CNTNAP4: variants seen among roughly 807,000 people sequenced by gnomAD.
CNTNAP4 encodes the protein contactin associated protein family member 4.
Under a neutral mutation model 148.4 loss-of-function variants are expected in CNTNAP4, and 98 were observed. The observed-to-expected ratio is 0.66, with a 90% CI of 0.56 to 0.78. The LOEUF (loss-of-function observed/expected upper bound fraction) is 0.78. Ranked by LOEUF, CNTNAP4 falls within the 30% of genes least tolerant of loss-of-function variation. The pLI is 0.00. For synonymous variants in CNTNAP4, 730 were observed against 565.1 expected, an observed-to-expected ratio of 1.29 and a Z score of -4.14; for missense variants, 1,935 against 1,565.6, an observed-to-expected ratio of 1.24 and a Z score of -3.98.
At chr16:76,455,760 C>G (rs2080704465) in intron 8 of CNTNAP4, among the ~76,000 whole-genome samples, 2 of 152,174 alleles carry the variant, frequency 1.3e-5, no homozygotes, top group Admixed American at 1.3e-4. Context: ...GTATAATTGC[C>G]TTTTGCACCT....
intron 1 of CNTNAP4, among the ~76,000 whole-genome samples, chr16:76,288,082 T>C (rs1039721088): frequency 6.6e-6 from 1 of 151,974 alleles, no homozygotes; most frequent in Non-Finnish European, 1.5e-5. Context: ...CAGGACCAGG[T>C]GGAGATAATT....
chr16:76,478,010 C>T (rs761274780), intron 11 of CNTNAP4, among the ~76,000 whole-genome samples: 3 of 152,024 alleles, frequency 2.0e-5, no homozygotes, highest in East Asian at 1.9e-4. Flanking sequence ...ATAACTATTC[C>T]GAGAAATGAA....
intron 1 of CNTNAP4, chr16:76,316,134 T>C: frequency 2.1e-6 from 1 of 467,862 alleles, no homozygotes; most frequent in Non-Finnish European, 3.7e-6. Context: ...TTTGTGAATC[T>C]TTTATAATGA....
intron 2 of CNTNAP4, among the ~76,000 whole-genome samples, chr16:76,333,660 C>T (rs926688295): frequency 2.6e-5 from 4 of 151,634 alleles, no homozygotes; most frequent in South Asian, 2.1e-4. Context: ...TTGCATGCAT[C>T]ATATTTTTTG....
chr16:76,385,345 G>A (rs1395989295), intron 3 of CNTNAP4, among the ~76,000 whole-genome samples: 1 of 152,098 alleles, frequency 6.6e-6, no homozygotes, highest in African/African-American at 2.4e-5. Context: ...GGAGGGACTA[G>A]AGATTGTTTT....
chr16:76,515,938 ATTTTAC>A (rs142517102), intron 15 of CNTNAP4, among the ~76,000 whole-genome samples: 5,204 of 152,192 alleles, frequency 0.034, 174 homozygotes, highest in African/African-American at 0.086. Flanking sequence ...TTAATTTTCT[ATTTTAC>A]TTTAAGTTCT....
intron 3 of CNTNAP4, among the ~76,000 whole-genome samples, chr16:76,384,835 T>C (rs1349353296): frequency 6.6e-6 from 1 of 152,226 alleles, no homozygotes; most frequent in Admixed American, 6.5e-5. Flanking sequence ...TCTGTTGTTT[T>C]ATTTCCCCAA....
chr16:76,295,905 C>T (rs776200542), intron 1 of CNTNAP4, among the ~76,000 whole-genome samples: 63 of 152,172 alleles, frequency 4.1e-4, no homozygotes, highest in Non-Finnish European at 8.5e-4. Context: ...GCAGCCTCTG[C>T]CTCCTGGGTT....
chr16:76,558,534 A>G lies in CNTNAP4; in HGVS notation c.3778A>G (p.Ile1260Val), dbSNP rs780326367. 1.2e-5 allele frequency: 19 copies of G among 1,611,690 alleles called. No homozygotes were observed. In the South Asian group the frequency reaches 2.1e-4, roughly 18 times the overall value. The change falls in exon 24 of 24, where the codon ATA becomes GTA. Residue 1260 changes from isoleucine to valine, a missense_variant. Ile to Val is a conservative substitution (Grantham distance 29). Transcript: ENST00000611870. Reference sequence around the variant, plus strand: ...TTTTATCTTGCTTTGCATCACTGCCATAGCTGTTCGCATTTATCAGCAGAA... The same window carrying G: ...TTTTATCTTGCTTTGCATCACTGCCGTAGCTGTTCGCATTTATCAGCAGAA... ...VIFILLCITA[I>V]AVRIYQQKRL... is the part of the protein sequence containing the mutation.
chr16:76,426,398 C>T (rs1347433673), intron 3 of CNTNAP4, among the ~76,000 whole-genome samples: 13 of 151,998 alleles, frequency 8.6e-5, no homozygotes, highest in Admixed American at 7.9e-4. Context: ...TTATCATGAA[C>T]CTGCAAATGT....
At chr16:76,464,514 T>A (rs1350308746) in intron 9 of CNTNAP4, among the ~76,000 whole-genome samples, 2 of 152,178 alleles carry the variant, frequency 1.3e-5, no homozygotes, top group South Asian at 2.1e-4. Flanking sequence ...CTAGGATCTG[T>A]GTTGTCTAGG....
intron 1 of CNTNAP4, among the ~76,000 whole-genome samples, chr16:76,299,705 T>C (rs571477294): frequency 3.1e-4 from 47 of 152,318 alleles, no homozygotes; most frequent in African/African-American, 1.1e-3. Context: ...GGTATGTTTA[T>C]TGTGGCACTA....
chr16:76,474,848 A>G (rs1290852993), intron 10 of CNTNAP4, among the ~76,000 whole-genome samples: 2 of 152,236 alleles, frequency 1.3e-5, no homozygotes, highest in Admixed American at 6.5e-5. Context: ...TTTAGGTCCA[A>G]AAAACTTAAC....
intron 4 of CNTNAP4, among the ~76,000 whole-genome samples, chr16:76,441,974 G>A (rs927317336): frequency 6.6e-6 from 1 of 152,134 alleles, no homozygotes; most frequent in Non-Finnish European, 1.5e-5. Flanking sequence ...CTGTGATAAA[G>A]AGGATAATAC....
At chr16:76,304,928 T>G (rs1472714895) in intron 1 of CNTNAP4, among the ~76,000 whole-genome samples, 1 of 152,214 alleles carries the variant, frequency 6.6e-6, no homozygotes, top group Non-Finnish European at 1.5e-5. Flanking sequence ...ATCCAAATTG[T>G]ACATCAGTAG....
chr16:76,311,702 A>G (rs1050523143), intron 1 of CNTNAP4, among the ~76,000 whole-genome samples: 2 of 152,190 alleles, frequency 1.3e-5, no homozygotes, highest in Non-Finnish European at 2.9e-5. Context: ...TAATTGAAAG[A>G]AACAATGATG....
intron 2 of CNTNAP4, among the ~76,000 whole-genome samples, chr16:76,331,251 G>T (rs1032128913): frequency 6.6e-6 from 1 of 151,514 alleles, no homozygotes; most frequent in Admixed American, 6.6e-5. Flanking sequence ...GCAGTGGCGC[G>T]ATCTCGGCTC....
At chr16:76,297,080 C>A (rs780442360) in intron 1 of CNTNAP4, among the ~76,000 whole-genome samples, 17 of 152,150 alleles carry the variant, frequency 1.1e-4, no homozygotes, top group Non-Finnish European at 1.0e-4. Flanking sequence ...AAGACTTAAA[C>A]ATAAGAGGGA....
intron 7 of CNTNAP4, among the ~76,000 whole-genome samples, chr16:76,451,794 G>A (rs2080492186): frequency 6.6e-6 from 1 of 152,014 alleles, no homozygotes; most frequent in South Asian, 2.1e-4. Flanking sequence ...AAGAAGAGGG[G>A]CAATAAATTC....
Sources: allele counts gnomAD v4.1 joint callset (sites outside exome capture counted in the v4.1 genomes callset), GRCh38; gene constraint gnomAD v4.1.1; transcripts MANE v1.5; gene names NCBI Gene and HGNC (gene_info 2026-07-23, HGNC 2026-07-21).